Variants in PTPRD observed in about 807,000 individuals in gnomAD.
PTPRD encodes protein tyrosine phosphatase receptor type D.
A neutral mutation model predicts 214.5 loss-of-function variants in PTPRD; 34 were observed. The observed-to-expected ratio is 0.16, with a 90% CI of 0.12 to 0.21. The LOEUF (loss-of-function observed/expected upper bound fraction) is 0.21, where lower values mean the gene tolerates loss of function less well. Among genes scored for constraint, PTPRD ranks in the 10% least tolerant of loss-of-function variants. The pLI is 1.00. For synonymous variants in PTPRD, 1,128 were observed against 845.7 expected (o/e 1.33, Z -5.79); for missense variants, 2,545 against 2,398.7 (o/e 1.06, Z -1.27).
At chr9:10,553,348 T>TA (rs1177525617) in intron 2 of PTPRD, among the ~76,000 whole-genome samples, 1 of 111,484 alleles carries the variant, frequency 9.0e-6, no homozygotes, top group Non-Finnish European at 1.8e-5. Flanking sequence ...CAATCTTTAT[T>TA]TTTTTTTTTT....
chr9:10,475,295 A>G (rs1161023731), intron 2 of PTPRD, among the ~76,000 whole-genome samples: 4 of 152,132 alleles, frequency 2.6e-5, no homozygotes. Context: ...AAAAAATGAT[A>G]AAGGGGATAT....
intron 9 of PTPRD, among the ~76,000 whole-genome samples, chr9:9,307,851 T>C (rs1424116078): frequency 1.3e-5 from 2 of 152,176 alleles, no homozygotes; most frequent in African/African-American, 2.4e-5. Context: ...TCTGTTCTAG[T>C]TCTACTGAAC....
intron 42 of PTPRD, 22 bp from the exon 43 acceptor site, chr9:8,339,069 G>C: frequency 1.9e-6 from 3 of 1,604,294 alleles, no homozygotes; most frequent in Non-Finnish European, 2.6e-6. Context: ...GAAGATTAAT[G>C]TTAAACTATG....
At chr9:9,973,996 G>C (rs2095256778) in intron 4 of PTPRD, among the ~76,000 whole-genome samples, 1 of 152,112 alleles carries the variant, frequency 6.6e-6, no homozygotes, top group African/African-American at 2.4e-5. Flanking sequence ...TCTGTAAATA[G>C]ATTTGTTCCC....
rs140039056 is a variant in PTPRD, at chr9:8,934,954, T to G, written c.-104+83743A>C. ...CACATGACAGGATTTTCTTCCTTTT[T>G]TAAAGCTGAATAATATTCCACTGTG... On this transcript the variant is annotated intron_variant, in intron 11 of 45. Transcript: ENST00000381196. 3.9e-4 allele frequency among the ~76,000 whole-genome samples: 59 copies of G among 152,230 alleles called. 1 individual carries two copies. The highest frequency in any genetic ancestry group is 1.3e-3 in the African/African-American group (53 of 41,532).
intron 5 of PTPRD, among the ~76,000 whole-genome samples, chr9:9,931,215 G>C (rs533162406): frequency 2.0e-5 from 3 of 152,124 alleles, no homozygotes; most frequent in Non-Finnish European, 1.5e-5. Flanking sequence ...AAAATTACTG[G>C]GGAGGAGCCA....
chr9:9,827,220 C>G (rs1419674978), intron 5 of PTPRD, among the ~76,000 whole-genome samples: 1 of 152,032 alleles, frequency 6.6e-6, no homozygotes, highest in Non-Finnish European at 1.5e-5. Context: ...GCCAAAAGAA[C>G]AAAGCTGGAG....
chr9:10,502,008 G>C (rs930081370), intron 2 of PTPRD, among the ~76,000 whole-genome samples: 6 of 151,926 alleles, frequency 3.9e-5, no homozygotes, highest in Non-Finnish European at 8.8e-5. Flanking sequence ...ACAGAGTTGA[G>C]AACCACTGCT....
chr9:10,027,475 G>A (rs554415392), intron 4 of PTPRD, among the ~76,000 whole-genome samples: 1 of 152,120 alleles, frequency 6.6e-6, no homozygotes, highest in South Asian at 2.1e-4. Flanking sequence ...CTAAGTTTCT[G>A]TACAAAAGTG....
intron 4 of PTPRD, among the ~76,000 whole-genome samples, chr9:9,947,416 A>T (rs2092793964): frequency 2.6e-5 from 1 of 38,420 alleles, no homozygotes; most frequent in South Asian, 6.7e-4. Flanking sequence ...TATATATTTT[A>T]TATATATATT....
intron 11 of PTPRD, among the ~76,000 whole-genome samples, chr9:8,737,522 T>C (rs1458938112): frequency 1.3e-5 from 2 of 151,084 alleles, no homozygotes; most frequent in African/African-American, 2.4e-5. Context: ...CTAAGTACTC[T>C]GAAAAAAAAA....
At chr9:10,321,769 A>T (rs1392221944) in intron 3 of PTPRD, among the ~76,000 whole-genome samples, 3 of 152,106 alleles carry the variant, frequency 2.0e-5, no homozygotes, top group African/African-American at 7.2e-5. Flanking sequence ...TAGAATTAAG[A>T]AACAGCTGAT....
rs149426619 is a variant in PTPRD, at chr9:9,171,377, T to C, written c.-143+11927A>G. On this transcript the variant is annotated intron_variant, in intron 10 of 45. Coordinates refer to ENST00000381196, the MANE Select transcript of PTPRD (RefSeq NM_002839.4). ...TATAATTAGATTATATTTATAATCA[T>C]TATTGGTCTTTCTTTTCAATGTGGA... Among the ~76,000 whole-genome samples, 954 of 150,176 alleles carry C rather than the reference T, an allele frequency of 6.4e-3. 11 individuals carry two copies. The highest frequency in any genetic ancestry group is 0.022 in the African/African-American group (913 of 41,244).
chr9:9,845,672 T>C (rs1371189384), intron 5 of PTPRD, among the ~76,000 whole-genome samples: 1 of 151,918 alleles, frequency 6.6e-6, no homozygotes, highest in African/African-American at 2.4e-5. Context: ...AAACTTGAGG[T>C]AGAAAGAATC....
rs28369310 is a variant in PTPRD at position 9,029,901 on chromosome 9, T to G, written c.-142-11166A>C. On this transcript the variant is annotated intron_variant, in intron 10 of 45. Transcript: ENST00000381196. ...ACATTTGATGACCACCTTGGTAGAA[T>G]TGAATGTGGAATTCAAGGGTGACAG... Among the ~76,000 whole-genome samples the G allele has an allele frequency of 9.3e-3, 1,417 of 152,086 alleles. 25 individuals carry two copies. The highest frequency in any genetic ancestry group is 0.033 in the African/African-American group (1,355 of 41,526).
intron 9 of PTPRD, among the ~76,000 whole-genome samples, chr9:9,211,132 C>A (rs2099948286): frequency 6.6e-6 from 1 of 151,586 alleles, no homozygotes. Flanking sequence ...CATTTTTTTC[C>A]ACAGTCATAT....
At chr9:8,833,715 TACACAC>T (rs1177957119) in intron 11 of PTPRD, among the ~76,000 whole-genome samples, 95 of 133,744 alleles carry the variant, frequency 7.1e-4, no homozygotes, top group African/African-American at 1.8e-3. Context: ...TATATATATA[TACACAC>T]ACACACACAC....
chr9:10,158,904 G>A (rs750367767), intron 3 of PTPRD, among the ~76,000 whole-genome samples: 3 of 152,112 alleles, frequency 2.0e-5, no homozygotes, highest in African/African-American at 7.2e-5. Flanking sequence ...AATATGGGGA[G>A]GTGGAACTGC....
intron 3 of PTPRD, among the ~76,000 whole-genome samples, chr9:10,174,710 T>C (rs2099235984): frequency 6.6e-6 from 1 of 151,946 alleles, no homozygotes; most frequent in Non-Finnish European, 1.5e-5. Flanking sequence ...TATATATACA[T>C]ATATATGTAC....
Sources: allele counts gnomAD v4.1 joint callset (sites outside exome capture counted in the v4.1 genomes callset), GRCh38; gene constraint gnomAD v4.1.1; transcripts MANE v1.5; gene names NCBI Gene and HGNC (gene_info 2026-07-23, HGNC 2026-07-21).